Variants in WDR64 observed in about 807,000 individuals in gnomAD.
WDR64 encodes WD repeat domain 64, also known as WD repeat-containing protein 64.
In WDR64, 112 loss-of-function variants were observed where a neutral mutation model predicts 139.3. The ratio of observed to expected loss-of-function variants is 0.80; its 90% CI spans 0.69 to 0.94. The LOEUF (loss-of-function observed/expected upper bound fraction) is 0.94, where lower values mean the gene tolerates loss of function less well. Among genes scored for constraint, WDR64 ranks in the 40% least tolerant of loss-of-function variants. The pLI, the probability that WDR64 is intolerant of heterozygous loss-of-function variation, is 0.00. For synonymous variants in WDR64, 444 were observed against 437.7 expected (o/e 1.01, Z -0.18); for missense variants, 1,206 against 1,293.1 (o/e 0.93, Z 1.03).
chr1:241,708,537 C>T (rs1024429612), intron 8 of WDR64, among the ~76,000 whole-genome samples: 2 of 152,038 alleles, frequency 1.3e-5, no homozygotes, highest in Non-Finnish European at 2.9e-5. Context: ...TGGTCTCGAC[C>T]TCCTGACCTC....
intron 21 of WDR64, 50 bp downstream of exon 21, chr1:241,775,260 C>A: frequency 1.4e-6 from 2 of 1,450,636 alleles, no homozygotes; most frequent in Non-Finnish European, 1.9e-6. Context: ...AATAGCTTAC[C>A]TGATATAAAA....
chr1:241,774,753 A>T (rs1041950694), intron 20 of WDR64, among the ~76,000 whole-genome samples: 1 of 152,080 alleles, frequency 6.6e-6, no homozygotes, highest in Non-Finnish European at 1.5e-5. Flanking sequence ...GAGTTAAATT[A>T]AAAAAAAGAA....
chr1:241,714,343 A>T (rs1021506869), intron 9 of WDR64, among the ~76,000 whole-genome samples: 3 of 152,200 alleles, frequency 2.0e-5, no homozygotes, highest in Non-Finnish European at 2.9e-5. Context: ...CAATAAATAC[A>T]TCATTGGCAA....
intron 10 of WDR64, among the ~76,000 whole-genome samples, chr1:241,735,538 T>TCC (rs1342926465): frequency 7.0e-6 from 1 of 142,992 alleles, no homozygotes; most frequent in Non-Finnish European, 1.5e-5. Context: ...TCTCTCTTTT[T>TCC]TTTTTTTTTT....
At chr1:241,723,218 G>A (rs776589837) in intron 9 of WDR64, 79 bp from the exon 10 acceptor site, 238 of 1,541,340 alleles carry the variant, frequency 1.5e-4, no homozygotes, top group Non-Finnish European at 1.7e-4. Context: ...GAAAGATACG[G>A]GTATGATACA....
chr1:241,787,706 A>C (rs1659088787), intron 23 of WDR64, 143 bp from the exon 24 acceptor site: 1 of 624,094 alleles, frequency 1.6e-6, no homozygotes, highest in Admixed American at 3.1e-5. Context: ...TTAGCTCCAC[A>C]GTATTTCATA....
At position 241,725,429 on chromosome 1, in the gene WDR64, C is replaced by G. The variant is rs376242143; in HGVS notation, c.1194+1993C>G. On this transcript the variant is annotated intron_variant, in intron 10 of 27. Coordinates refer to ENST00000437684, the MANE Select transcript of WDR64 (RefSeq NM_001367482.1). The stretch of plus-strand genomic sequence containing the variant: ...CGTCCCCCAGCCCCGCACCTCCCTC[C>G]TCGTACACCCCCTACCCCTCATACA... 2.0e-5 allele frequency among the ~76,000 whole-genome samples: 3 copies of G among 151,946 alleles called. No individual in the cohort carries two copies. In the East Asian group the frequency reaches 5.8e-4, roughly 29 times the overall value.
At chr1:241,682,603 T>C (rs1294001081) in intron 6 of WDR64, among the ~76,000 whole-genome samples, 1 of 152,262 alleles carries the variant, frequency 6.6e-6, no homozygotes, top group African/African-American at 2.4e-5. Context: ...TTGCTTTGCC[T>C]ATGCAGGCTC....
At chr1:241,797,948 T>C (rs1041470444) in intron 27 of WDR64, among the ~76,000 whole-genome samples, 4 of 152,194 alleles carry the variant, frequency 2.6e-5, no homozygotes, top group Non-Finnish European at 5.9e-5. Flanking sequence ...TTGCATTCTT[T>C]AAGTAAATAC....
At chr1:241,728,554 T>A (rs1456661189) in intron 10 of WDR64, among the ~76,000 whole-genome samples, 1 of 152,184 alleles carries the variant, frequency 6.6e-6, no homozygotes, top group Non-Finnish European at 1.5e-5. Context: ...AATAGCAAGA[T>A]TTTTATTCTT....
chr1:241,794,502 C>CTTT lies in WDR64; in HGVS notation c.2998-704_2998-703insTTT, dbSNP rs1659299229. Reference sequence around the variant, plus strand: ...AATGCCCCACATATTTTAAGCTTTACTGTTTTTTTTTTTTTTTTTTTTTTG... The same window carrying CTTT: ...AATGCCCCACATATTTTAAGCTTTACTTTTGTTTTTTTTTTTTTTTTTTTTTTG... On this transcript the variant is annotated intron_variant, in intron 25 of 27. Transcript: ENST00000437684. 2.8e-3 allele frequency among the ~76,000 whole-genome samples: 298 copies of CTTT among 104,944 alleles called. 3 individuals are homozygous for CTTT. The highest frequency in any genetic ancestry group is 7.3e-3 in the East Asian group (24 of 3,296). 68.8% of individuals were successfully genotyped at this position (104,944 alleles called of 152,430 possible).
intron 8 of WDR64, among the ~76,000 whole-genome samples, chr1:241,711,018 C>A (rs1343053257): frequency 5.9e-5 from 9 of 152,162 alleles, no homozygotes; most frequent in African/African-American, 2.2e-4. Context: ...AGGTGGATCA[C>A]CTGAGGTCGG....
Position 241,757,298 on chromosome 1 carries a change from A to G in WDR64, c.1786A>G (p.Ile596Val), listed in dbSNP as rs1670230868. The change falls in exon 15 of 28, where the codon ATC becomes GTC. Residue 596 changes from isoleucine to valine, a missense_variant. Ile to Val is a conservative substitution (Grantham distance 29). Transcript: ENST00000437684. ...TCTGTTAAAGGGTAAGGAAGATGAT[A>G]TCTACCTCATGGTGATCTGGGAGCT... is the stretch of plus-strand genomic sequence containing the variant. ...IKMIQGKEDD[I>V]YLMVIWELPD... 14 of 1,613,466 alleles carry G rather than the reference A, an allele frequency of 8.7e-6. No homozygotes were observed. The East Asian group carries it at 1.8e-4, about 21-fold the overall frequency.
At chr1:241,663,959 C>A (rs1483545582) in intron 2 of WDR64, among the ~76,000 whole-genome samples, 3 of 151,940 alleles carry the variant, frequency 2.0e-5, no homozygotes, top group African/African-American at 7.3e-5. Context: ...TCTAGATATA[C>A]TGATTCAATA....
chr1:241,679,497 A>T lies in WDR64; in HGVS notation c.526A>T (p.Ile176Phe), dbSNP rs776721259. ...TSTNVTDTSW[I>F]TGCDYLLQLK... ...GCTTTTCTATCAGGACACCTCCTGG[A>T]TTACAGGGTGTGATTACCTCTTGCA... Residue 176 changes from isoleucine to phenylalanine, a missense_variant, in exon 6 of 28, where the codon ATT becomes TTT. Transcript: ENST00000437684. 19 of 1,552,022 alleles carry T rather than the reference A, an allele frequency of 1.2e-5. No individual in the cohort carries two copies. The highest frequency in any genetic ancestry group is 9.8e-5 in the East Asian group (4 of 40,904).
intron 8 of WDR64, among the ~76,000 whole-genome samples, chr1:241,706,781 T>C (rs1327531474): frequency 2.0e-5 from 3 of 152,208 alleles, no homozygotes; most frequent in Admixed American, 6.5e-5. Flanking sequence ...TTTTTAAAAA[T>C]CAAATTTTTT....
chr1:241,707,630 T>C (rs1020439137), intron 8 of WDR64, among the ~76,000 whole-genome samples: 2 of 152,004 alleles, frequency 1.3e-5, no homozygotes, highest in Admixed American at 1.3e-4. Flanking sequence ...ATTATGAGAG[T>C]GCTTATTCAT....
chr1:241,787,665 CAA>C (rs58063137), intron 23 of WDR64, among the ~76,000 whole-genome samples, 182 bp from the exon 24 acceptor site: 24 of 116,596 alleles, frequency 2.1e-4, no homozygotes, highest in South Asian at 2.7e-4. Context: ...AACTCCATCT[CAA>C]AAAAAAAAAA....
At chr1:241,700,316 C>T (rs1487060684) in intron 8 of WDR64, among the ~76,000 whole-genome samples, 1 of 151,756 alleles carries the variant, frequency 6.6e-6, no homozygotes, top group Non-Finnish European at 1.5e-5. Context: ...CCTACTTCCA[C>T]TGGTTAAGCC....
Sources: gnomAD v4.1 joint callset for allele counts (sites outside exome capture counted in the v4.1 genomes callset) on GRCh38, gnomAD v4.1.1 for gene constraint, MANE v1.5 for transcripts, NCBI Gene and HGNC (gene_info 2026-07-23, HGNC 2026-07-21) for gene names.